CCDC59: variants seen among roughly 807,000 people sequenced by gnomAD.
The protein encoded by CCDC59 is thyroid transcription factor 1-associated protein 26.
CCDC59 carries 27 observed loss-of-function variants against 30.5 expected under a neutral mutation model. The ratio of observed to expected loss-of-function variants is 0.89; its 90% CI spans 0.65 to 1.22. CCDC59 has a LOEUF of 1.22. Among genes scored for constraint, CCDC59 ranks in the 50% most tolerant of loss-of-function variants. The probability of loss-of-function intolerance (pLI) is 0.00; values close to 1 mark genes in which losing one functional copy is unlikely to be tolerated. For missense variants in CCDC59, 362 were observed against 284.4 expected, an observed-to-expected ratio of 1.27 and a Z score of -1.96; for synonymous variants, 125 against 100.9, an observed-to-expected ratio of 1.24 and a Z score of -1.43.
In CCDC59 at chr12:82,358,345, C is replaced by T. The variant is rs752381737; in HGVS notation, c.32G>A (p.Arg11Gln). The change falls in exon 1 of 4, where the codon CGG becomes CAG. Residue 11 changes from arginine (R) to glutamine (Q), a missense_variant. Arg to Gln is a conservative substitution (Grantham distance 43). Coordinates refer to ENST00000256151, the MANE Select transcript of CCDC59 (RefSeq NM_014167.5). The part of the protein sequence containing the change: MAPVRRSAKW[R>Q]PGGIEARGEG... Reference sequence around the variant, plus strand: ...ACCACGCGCCTCAATACCACCAGGCCGCCACTTCGCGGACCGCCTCACCGG... The same window carrying T: ...ACCACGCGCCTCAATACCACCAGGCTGCCACTTCGCGGACCGCCTCACCGG... The T allele has an allele frequency of 2.4e-5, 38 of 1,613,782 alleles. No homozygotes were observed. In the South Asian group the frequency reaches 3.1e-4, roughly 13 times the overall value.
At chr12:82,356,818 C>CCAGG in intron 2 of CCDC59, 142 bp downstream of exon 2, 1 of 634,808 alleles carries the variant, frequency 1.6e-6, no homozygotes, top group Non-Finnish European at 2.6e-6. Context: ...AATAGAGCCT[C>CCAGG]CATGAAAATG....
rs541746155 is a variant in CCDC59 at position 82,353,275 on chromosome 12, T to C, written c.602A>G (p.Gln201Arg). Residue 201 changes from glutamine (Q) to arginine (R), a missense_variant, in exon 4 of 4, where the codon CAA becomes CGA. Coordinates refer to ENST00000256151, the MANE Select transcript of CCDC59 (RefSeq NM_014167.5). ...CATTTTCTTCTTTTTGTACTGCCTT[T>C]GGGCTTCTTCTCTCTCCTGTTTTCT... ...ERRKQEREEA[Q>R]RQYKKKKMEV... 8.7e-6 allele frequency: 14 copies of C among 1,610,522 alleles called. No individual in the cohort carries two copies. The highest frequency in any genetic ancestry group is 4.5e-5 in the East Asian group (2 of 44,806).
Position 82,354,539 on chromosome 12 carries a change from C to G in CCDC59, c.520G>C (p.Glu174Gln). ...TTGGCTTGTATCTGTTCATATTCTT[C>G]TTGTGCTTTTTGATTTGATGTTTTC... The part of the protein sequence containing the change: ...KKKTSNQKAQ[E>Q]EYEQIQAKRA... Residue 174 changes from glutamate (E) to glutamine (Q), a missense_variant, in exon 3 of 4, where the codon GAA becomes CAA. Coordinates refer to ENST00000256151, the MANE Select transcript of CCDC59 (RefSeq NM_014167.5). 6.2e-7 allele frequency: 1 copy of G among 1,602,906 alleles called. No homozygotes were observed.
chr12:82,358,799 C>G (rs1412248100), upstream of CCDC59: 4 of 1,613,156 alleles, frequency 2.5e-6, no homozygotes, highest in African/African-American at 1.3e-5. Context: ...AGACGCGCCC[C>G]CTAGTGGAAG....
intron 3 of CCDC59, among the ~76,000 whole-genome samples, chr12:82,353,528 C>T (rs1356922969): frequency 6.6e-6 from 1 of 152,076 alleles, no homozygotes; most frequent in African/African-American, 2.4e-5. Context: ...GATCACAAAG[C>T]CCCAGCTCTA....
intron 1 of CCDC59, among the ~76,000 whole-genome samples, chr12:82,357,699 G>A (rs1256710448): frequency 6.6e-6 from 1 of 152,152 alleles, no homozygotes; most frequent in Non-Finnish European, 1.5e-5. Context: ...CAACACGAAA[G>A]AAAAAGACAG....
rs77141800 is a variant in CCDC59, at chr12:82,352,814, T to A, written c.*337A>T. On this transcript the variant is annotated 3_prime_UTR_variant, in exon 4 of 4. Transcript: ENST00000256151. ...TGTTTACTAAATTGAAATATTTCATTGAAATGCTTCATTGATAGCTCTGAT... is the reference window on the plus strand; with the variant it reads ...TGTTTACTAAATTGAAATATTTCATAGAAATGCTTCATTGATAGCTCTGAT... 2,342 of 164,658 alleles carry A rather than the reference T, an allele frequency of 0.014. 36 individuals are homozygous for A. The highest frequency in any genetic ancestry group is 0.04 in the East Asian group (233 of 5,820). The allele number at this position is 164,658 out of a possible 1,614,324, so 10.2% of individuals were successfully genotyped here. A position where few individuals can be genotyped will look rare whatever the true frequency, so the allele number is the denominator to read the frequency against.
intron 2 of CCDC59, among the ~76,000 whole-genome samples, chr12:82,356,486 A>C (rs189579178): frequency 6.6e-5 from 10 of 152,360 alleles, no homozygotes. Context: ...GGAGCTGTGC[A>C]ACATGGCAGC....
rs1160747308 is a variant in CCDC59 at position 82,357,068 on chromosome 12, A to T, written c.356T>A (p.Val119Asp). ...RKVDHPLSEQ[V>D]HQPLLEEQCS... ...CTGTTCTTCAAGCAACGGCTGGTGA[A>T]CTTGTTCTGACAAAGGATGGTCGAC... The change falls in exon 2 of 4, where the codon GTT (valine) becomes GAT (aspartate). Residue 119 changes from valine to aspartate, a missense_variant. Physicochemically the swap from Val to Asp is radical, Grantham distance 152. Coordinates refer to ENST00000256151, the MANE Select transcript of CCDC59 (RefSeq NM_014167.5). 3 of 1,614,158 alleles carry T rather than the reference A, an allele frequency of 1.9e-6. No homozygotes were observed. The South Asian group carries it at 3.3e-5, about 18-fold the overall frequency.
At position 82,358,353 on chromosome 12, in the gene CCDC59, C is replaced by T. The variant is rs779169116; in HGVS notation, c.24G>A (p.Ala8=). ...CCTCAATACCACCAGGCCGCCACTTCGCGGACCGCCTCACCGGCGCCATTG... is the reference window on the plus strand; with the variant it reads ...CCTCAATACCACCAGGCCGCCACTTTGCGGACCGCCTCACCGGCGCCATTG... MAPVRRS[A]KWRPGGIEAR... The change falls in exon 1 of 4, where the codon GCG becomes GCA. Residue 8 remains alanine, a synonymous_variant. Coordinates refer to ENST00000256151, the MANE Select transcript of CCDC59 (RefSeq NM_014167.5). 1.9e-6 allele frequency: 3 copies of T among 1,613,786 alleles called. No individual in the cohort carries two copies. The highest frequency in any genetic ancestry group is 1.6e-4 in the Middle Eastern group (1 of 6,062).
Position 82,358,347 on chromosome 12 carries a change from C to T in CCDC59, c.30G>A (p.Trp10Ter). Reference protein sequence around the residue: MAPVRRSAKWRPGGIEARGE... With the variant: MAPVRRSAK The stretch of plus-strand genomic sequence containing the variant: ...CACGCGCCTCAATACCACCAGGCCG[C>T]CACTTCGCGGACCGCCTCACCGGCG... The change falls in exon 1 of 4, where the codon TGG (tryptophan) becomes TGA (stop). Residue 10 changes from tryptophan (W) to a stop codon, truncating the protein, a stop_gained. Transcript: ENST00000256151. LOFTEE classifies it high-confidence loss of function. 6.2e-7 allele frequency: 1 copy of T among 1,613,920 alleles called. No individual in the cohort carries two copies. The highest frequency in any genetic ancestry group is 8.5e-7 in the Non-Finnish European group (1 of 1,180,018).
In CCDC59 at chr12:82,353,294, G is replaced by C. The variant is rs1444236159; in HGVS notation, c.583C>G (p.Gln195Glu). Residue 195 changes from glutamine to glutamate, a missense_variant, in exon 4 of 4, where the codon CAG becomes GAG. Transcript: ENST00000256151. ...AKKQEFERRK[Q>E]EREEAQRQYK... ...TGCCTTTGGGCTTCTTCTCTCTCCT[G>C]TTTTCTCCTCTCGAATTCCTAAAAT... is the stretch of plus-strand genomic sequence containing the variant. The C allele has an allele frequency of 6.2e-7, 1 of 1,601,274 alleles. No homozygotes were observed. Among genetic ancestry groups the C allele is most frequent in the South Asian group, 1.1e-5 (1 of 88,126 alleles).
chr12:82,358,555 G>A (rs754980911), upstream of CCDC59: 4 of 1,608,584 alleles, frequency 2.5e-6, 1 homozygote, highest in South Asian at 3.3e-5. Context: ...CAGCCTCGGA[G>A]GGTGAGCGTC....
At chr12:82,358,120 G>A in intron 1 of CCDC59, 103 bp downstream of exon 1, 1 of 1,345,604 alleles carries the variant, frequency 7.4e-7, no homozygotes, top group Non-Finnish European at 1.0e-6. Context: ...GCCCCAAGTA[G>A]GACCGGGTCT....
chr12:82,356,754 T>A, intron 2 of CCDC59: 1 of 442,730 alleles, frequency 2.3e-6, no homozygotes, highest in Non-Finnish European at 4.0e-6. Context: ...TAATTCCCAT[T>A]ACGTTACTTT....
intron 2 of CCDC59, 103 bp from the exon 3 acceptor site, chr12:82,354,697 C>A: frequency 2.3e-6 from 2 of 865,254 alleles, no homozygotes; most frequent in Non-Finnish European, 1.6e-6. Flanking sequence ...AAATAAAAGG[C>A]ACAAATGGGG....
rs150081169 is a variant in CCDC59, at chr12:82,357,192, G to C, written c.232C>G (p.Gln78Glu). 3 of 1,614,160 alleles carry C rather than the reference G, an allele frequency of 1.9e-6. No individual in the cohort carries two copies. The African/African-American group carries it at 4.0e-5, about 22-fold the overall frequency. Residue 78 changes from glutamine (Q) to glutamate (E), a missense_variant, in exon 2 of 4, where the codon CAA (glutamine) becomes GAA (glutamate). By Grantham distance (29) the Gln-to-Glu change is conservative. Transcript: ENST00000256151. ...GTGAATTGAGATTCCAGTGACGTTT[G>C]AGCCTTCTTTTCCTTCCGTAGCAAT... is the stretch of plus-strand genomic sequence containing the variant. ...KKLLRKEKKA[Q>E]TSLESQFTDR...
rs1354548765 is a variant in CCDC59, at chr12:82,357,040, ACACTGTTCTTCAAGC to A, written c.369_383del (p.Leu123_Cys128delinsPhe). 1.2e-6 allele frequency: 2 copies of A among 1,614,182 alleles called. No homozygotes were observed. The highest frequency in any genetic ancestry group is 8.5e-7 in the Non-Finnish European group (1 of 1,180,012). On this transcript the variant is annotated inframe_deletion, in exon 2 of 4. Coordinates refer to ENST00000256151, the MANE Select transcript of CCDC59 (RefSeq NM_014167.5). ...CTTCAAATAAAGGCTCGTCAATGCT[ACACTGTTCTTCAAGC>A]AACGGCTGGTGAACTTGTTCTGACA...
intron 2 of CCDC59, chr12:82,355,644 T>C (rs1169045407): frequency 6.6e-6 from 1 of 152,230 alleles, no homozygotes; most frequent in African/African-American, 2.4e-5. Flanking sequence ...TACATTCCAA[T>C]TGACAGAAAC....
Sources: allele counts gnomAD v4.1 joint callset (sites outside exome capture counted in the v4.1 genomes callset), GRCh38; gene constraint gnomAD v4.1.1; transcripts MANE v1.5; gene names NCBI Gene and HGNC (gene_info 2026-07-23, HGNC 2026-07-21).